ZC3H3: variants seen among roughly 807,000 people sequenced by gnomAD.
The protein encoded by ZC3H3 is zinc finger CCCH domain-containing protein 3.
A neutral mutation model predicts 77.3 loss-of-function variants in ZC3H3; 36 were observed. The ratio of observed to expected loss-of-function variants is 0.47; its 90% confidence interval spans 0.36 to 0.61. ZC3H3 has a LOEUF of 0.61. Ranked by LOEUF, ZC3H3 falls within the 20% of genes least tolerant of loss-of-function variation. The pLI is 0.00. For missense variants in ZC3H3, 1,331 were observed against 1,312.2 expected, an observed-to-expected ratio of 1.01 and a Z score of -0.22; for synonymous variants, 626 against 555.2, an observed-to-expected ratio of 1.13 and a Z score of -1.79.
chr8:143,526,664 G>A (rs1431347484), intron 3 of ZC3H3, among the ~76,000 whole-genome samples: 3 of 152,136 alleles, frequency 2.0e-5, no homozygotes, highest in African/African-American at 4.8e-5. Flanking sequence ...GGCCACTTAC[G>A]GGCAGCAGAT....
At chr8:143,474,601 C>T (rs1820673528) in intron 5 of ZC3H3, among the ~76,000 whole-genome samples, 1 of 152,244 alleles carries the variant, frequency 6.6e-6, no homozygotes, top group South Asian at 2.1e-4. Context: ...CCCCGCAGAC[C>T]CTGCCGTCGG....
chr8:143,492,622 G>C (rs1223976817), intron 4 of ZC3H3, among the ~76,000 whole-genome samples: 2 of 152,224 alleles, frequency 1.3e-5, no homozygotes, highest in South Asian at 2.1e-4. Context: ...ACCCACACCT[G>C]CGTGGGCACC....
chr8:143,481,415 C>T (rs186957903), intron 4 of ZC3H3, among the ~76,000 whole-genome samples: 1,589 of 152,242 alleles, frequency 0.01, 118 homozygotes, highest in Admixed American at 0.098. Context: ...CTGAGAACTC[C>T]GTGAGGTTGT....
intron 3 of ZC3H3, among the ~76,000 whole-genome samples, chr8:143,525,690 C>T (rs1394227414): frequency 6.6e-6 from 1 of 152,250 alleles, no homozygotes; most frequent in East Asian, 1.9e-4. Context: ...TCCTGCTATG[C>T]CTTCCCATGC....
chr8:143,537,329 A>G (rs1163272833), intron 2 of ZC3H3, among the ~76,000 whole-genome samples: 1 of 152,196 alleles, frequency 6.6e-6, no homozygotes, highest in Non-Finnish European at 1.5e-5. Context: ...GGCCAACTGC[A>G]GCCTCAACAC....
intron 3 of ZC3H3, among the ~76,000 whole-genome samples, chr8:143,517,934 C>T (rs973217807): frequency 1.3e-5 from 2 of 152,332 alleles, no homozygotes; most frequent in Non-Finnish European, 2.9e-5. Flanking sequence ...CAGACCTGCT[C>T]GGGGCCAGGA....
chr8:143,502,610 A>G (rs896945), intron 4 of ZC3H3, among the ~76,000 whole-genome samples: 79,774 of 152,126 alleles, frequency 0.52, 21,126 homozygotes, highest in East Asian at 0.67. Context: ...CTGCTTAAGC[A>G]CAGCAGCTTC....
intron 9 of ZC3H3, 111 bp from the exon 10 acceptor site, chr8:143,441,231 G>T: frequency 8.5e-7 from 1 of 1,171,366 alleles, no homozygotes; most frequent in South Asian, 2.2e-5. Flanking sequence ...GGCCCCATAG[G>T]CTCCGTCCAA....
Position 143,467,614 on chromosome 8 carries a change from C to T in ZC3H3, c.2175+595G>A, listed in dbSNP as rs146989697. Among the ~76,000 whole-genome samples, 380 of 152,320 alleles carry T rather than the reference C, an allele frequency of 2.5e-3. 1 individual carries two copies. The highest frequency in any genetic ancestry group is 0.014 in the Middle Eastern group (4 of 294). On this transcript the variant is annotated intron_variant, in intron 8 of 11. Coordinates refer to ENST00000262577, the MANE Select transcript of ZC3H3 (RefSeq NM_015117.3). ...GCTGTGGTCACACCGTGGCTGAGTCCGGGGCACAGGAGCTACACATGTCCC... is the reference window on the plus strand; with the variant it reads ...GCTGTGGTCACACCGTGGCTGAGTCTGGGGCACAGGAGCTACACATGTCCC...
chr8:143,477,022 G>A (rs1050265569), intron 4 of ZC3H3, among the ~76,000 whole-genome samples: 9 of 152,186 alleles, frequency 5.9e-5, no homozygotes, highest in South Asian at 2.1e-4. Context: ...AGCCACCCAC[G>A]AGGAGCCAAC....
intron 9 of ZC3H3, among the ~76,000 whole-genome samples, chr8:143,447,334 C>T (rs1819885070): frequency 6.6e-6 from 1 of 152,254 alleles, no homozygotes; most frequent in African/African-American, 2.4e-5. Flanking sequence ...CACCAGCCAC[C>T]TTGGAGGACG....
chr8:143,523,320 G>A (rs1822309507), intron 3 of ZC3H3: 1 of 985,446 alleles, frequency 1.0e-6, no homozygotes, highest in Non-Finnish European at 1.2e-6. Flanking sequence ...AAGCTCACCT[G>A]CAGCGCCAGC....
intron 9 of ZC3H3, among the ~76,000 whole-genome samples, chr8:143,456,717 A>C (rs1027150624): frequency 3.3e-5 from 5 of 152,144 alleles, no homozygotes; most frequent in Admixed American, 2.6e-4. Context: ...AAAATTTTAA[A>C]AGTAGCCAGA....
rs1004626778 is a variant in ZC3H3 at position 143,461,811 on chromosome 8, G to A, written c.2307+3906C>T. ...CAGAAGTGGATGAGTGTTAGGGGCC[G>A]GGACTGATGATGAAAAGAGTGAGGG... On this transcript the variant is annotated intron_variant, in intron 9 of 11. Coordinates refer to ENST00000262577, the MANE Select transcript of ZC3H3 (RefSeq NM_015117.3). Among the ~76,000 whole-genome samples the A allele has an allele frequency of 5.3e-5, 8 of 152,022 alleles. No individual in the cohort carries two copies. In the South Asian group the frequency reaches 8.4e-4, roughly 16 times the overall value.
At chr8:143,518,224 G>A (rs755634642) in intron 3 of ZC3H3, among the ~76,000 whole-genome samples, 13 of 152,054 alleles carry the variant, frequency 8.5e-5, no homozygotes, top group African/African-American at 1.4e-4. Context: ...GGCTGGAAAC[G>A]GCCTCAGCCT....
intron 9 of ZC3H3, among the ~76,000 whole-genome samples, chr8:143,442,403 G>C (rs1467969973): frequency 8.2e-6 from 1 of 121,814 alleles, no homozygotes; most frequent in Non-Finnish European, 1.8e-5. Flanking sequence ...CAGGGGCCGG[G>C]GGGGGTGGGG....
chr8:143,495,762 C>CTT (rs77825264), intron 4 of ZC3H3, among the ~76,000 whole-genome samples: 154 of 139,484 alleles, frequency 1.1e-3, no homozygotes, highest in Non-Finnish European at 1.2e-3. Context: ...TCTTTTCTTT[C>CTT]TTTTTTTTTT....
intron 1 of ZC3H3, among the ~76,000 whole-genome samples, chr8:143,540,457 C>T (rs1203943569): frequency 6.6e-6 from 1 of 152,166 alleles, no homozygotes; most frequent in Non-Finnish European, 1.5e-5. Context: ...CTCAAACTCC[C>T]GGGCTCAAGC....
intron 9 of ZC3H3, among the ~76,000 whole-genome samples, chr8:143,447,185 C>G (rs1563833420): frequency 6.6e-6 from 1 of 152,238 alleles, no homozygotes; most frequent in Non-Finnish European, 1.5e-5. Context: ...GCACCCAGCC[C>G]TGCTTAGTTC....
Sources: allele counts gnomAD v4.1 joint callset (sites outside exome capture counted in the v4.1 genomes callset), GRCh38; gene constraint gnomAD v4.1.1; transcripts MANE v1.5; gene names NCBI Gene and HGNC (gene_info 2026-07-23, HGNC 2026-07-21).